The following TRNAU1AP variants were observed in gnomAD, a reference collection of about 807,000 sequenced individuals.
TRNAU1AP encodes the protein tRNA selenocysteine 1 associated protein 1.
Under a neutral mutation model 43.3 loss-of-function variants are expected in TRNAU1AP, and 33 were observed. The ratio of observed to expected loss-of-function variants is 0.76; its 90% CI spans 0.58 to 1.02. TRNAU1AP has a LOEUF of 1.02. Among genes scored for constraint, TRNAU1AP ranks in the 50% least tolerant of loss-of-function variants. The probability of loss-of-function intolerance (pLI) is 0.00; values close to 1 mark genes in which losing one functional copy is unlikely to be tolerated. For synonymous variants in TRNAU1AP, 143 were observed against 129.1 expected (o/e 1.11, Z -0.73); for missense variants, 290 against 362.7 (o/e 0.80, Z 1.63).
At chr1:28,566,105 A>G (rs1051655601) in intron 5 of TRNAU1AP, among the ~76,000 whole-genome samples, 4 of 152,116 alleles carry the variant, frequency 2.6e-5, no homozygotes, top group Admixed American at 2.0e-4. Context: ...ACCTGAGGTC[A>G]GGAGTTCAAG....
At position 28,554,222 on chromosome 1, in the gene TRNAU1AP, A is replaced by AAAAC. The variant is rs1557430250; in HGVS notation, c.125+488_125+489insCAAA. ...TCAAAAAAAAAAAAAACAAAAAAAC[A>AAAAC]AAAAACGCAGGACTCAAGCGAGACT... On this transcript the variant is annotated intron_variant, in intron 2 of 8. Coordinates refer to ENST00000373830, the MANE Select transcript of TRNAU1AP (RefSeq NM_017846.5). Among the ~76,000 whole-genome samples the AAAAC allele has an allele frequency of 1.4e-3, 202 of 142,694 alleles. 6 individuals carry two copies. Among genetic ancestry groups the AAAAC allele is most frequent in the African/African-American group, 4.3e-3 (146 of 34,252 alleles). The allele number at this position is 142,694 out of a possible 152,430, so 93.6% of individuals were successfully genotyped here.
chr1:28,577,403 C>G, intron 8 of TRNAU1AP, 97 bp from the exon 9 acceptor site: 2 of 1,388,440 alleles, frequency 1.4e-6, no homozygotes, highest in South Asian at 1.4e-5. Flanking sequence ...AGGATAGGGA[C>G]CTTACCATAG....
At chr1:28,575,503 C>T (rs1665757115) in intron 8 of TRNAU1AP, among the ~76,000 whole-genome samples, 1 of 147,750 alleles carries the variant, frequency 6.8e-6, no homozygotes, top group South Asian at 2.1e-4. Flanking sequence ...ACTCTTGTTG[C>T]CCAGGCTGGA....
intron 1 of TRNAU1AP, chr1:28,553,391 T>C (rs1665178000): frequency 1.6e-6 from 1 of 627,508 alleles, no homozygotes. Flanking sequence ...ATGGGAGCAA[T>C]CCAAGGACTG....
chr1:28,568,469 C>T (rs1266264240), intron 6 of TRNAU1AP, among the ~76,000 whole-genome samples: 1 of 152,148 alleles, frequency 6.6e-6, no homozygotes, highest in Non-Finnish European at 1.5e-5. Flanking sequence ...GAGATAGGGT[C>T]TTGCTTTGTT....
intron 8 of TRNAU1AP, among the ~76,000 whole-genome samples, chr1:28,572,544 T>G (rs1304744751): frequency 6.6e-6 from 1 of 152,078 alleles, no homozygotes; most frequent in Non-Finnish European, 1.5e-5. Context: ...AAATTCATTT[T>G]TTATTTATTT....
chr1:28,577,415 A>T (rs1261566560), intron 8 of TRNAU1AP, 85 bp from the exon 9 acceptor site: 2 of 1,491,126 alleles, frequency 1.3e-6, no homozygotes, highest in Non-Finnish European at 1.8e-6. Flanking sequence ...TTACCATAGA[A>T]CAGAGTTCTG....
intron 4 of TRNAU1AP, 77 bp from the exon 5 acceptor site, chr1:28,564,626 C>G: frequency 6.5e-7 from 1 of 1,535,266 alleles, no homozygotes; most frequent in East Asian, 2.3e-5. Context: ...GAGAGGTTTA[C>G]CTGGAATATG....
chr1:28,574,082 T>G (rs1046618293), intron 8 of TRNAU1AP, among the ~76,000 whole-genome samples: 2 of 150,046 alleles, frequency 1.3e-5, no homozygotes, highest in Middle Eastern at 6.8e-3. Context: ...CATCTCTTTT[T>G]TTTTTTTTTT....
In TRNAU1AP at chr1:28,553,144, G is replaced by T; in HGVS notation, c.27+7G>T. On this transcript the variant is annotated splice_region_variant and intron_variant, in intron 1 of 8. Coordinates refer to ENST00000373830, the MANE Select transcript of TRNAU1AP (RefSeq NM_017846.5). ...CAGCCTGTGGATGGGCGACGTGAGTGAGGGCAGCCGTCCGGGGTCTGAAGA... is the reference window on the plus strand; with the variant it reads ...CAGCCTGTGGATGGGCGACGTGAGTTAGGGCAGCCGTCCGGGGTCTGAAGA... 1 of 1,518,046 alleles carries T rather than the reference G, an allele frequency of 6.6e-7. No homozygotes were observed. The highest frequency in any genetic ancestry group is 2.6e-5 in the East Asian group (1 of 38,760). The allele number at this position is 1,518,046 out of a possible 1,614,324, so 94.0% of individuals were successfully genotyped here.
At chr1:28,569,991 A>C (rs1665628755) in intron 6 of TRNAU1AP, among the ~76,000 whole-genome samples, 1 of 150,820 alleles carries the variant, frequency 6.6e-6, no homozygotes, top group African/African-American at 2.4e-5. Context: ...ACAGAGCAAG[A>C]CTCTCTCAAA....
intron 4 of TRNAU1AP, among the ~76,000 whole-genome samples, chr1:28,562,410 G>A (rs950587986): frequency 2.0e-5 from 3 of 151,966 alleles, no homozygotes; most frequent in African/African-American, 7.2e-5. Context: ...TCAAGATATT[G>A]GCAATATGTT....
At chr1:28,563,210 T>G (rs1327898664) in intron 4 of TRNAU1AP, among the ~76,000 whole-genome samples, 1 of 151,610 alleles carries the variant, frequency 6.6e-6, no homozygotes, top group Non-Finnish European at 1.5e-5. Flanking sequence ...ATTCTTATTA[T>G]ACAAGGAATA....
intron 5 of TRNAU1AP, among the ~76,000 whole-genome samples, chr1:28,566,071 C>T (rs1665530152): frequency 6.6e-6 from 1 of 152,112 alleles, no homozygotes; most frequent in African/African-American, 2.4e-5. Context: ...AATCCCAGCG[C>T]TTCGGGAGAC....
At position 28,560,614 on chromosome 1, in the gene TRNAU1AP, CTATTTGCTTTTTT is replaced by C; in HGVS notation, c.126-17_126-5del. 1 of 1,603,316 alleles carries C rather than the reference CTATTTGCTTTTTT, an allele frequency of 6.2e-7. No homozygotes were observed. Among genetic ancestry groups the C allele is most frequent in the Non-Finnish European group, 8.5e-7 (1 of 1,170,586 alleles). ...TTTTATCTTTAACCATTTTCTTTCT[CTATTTGCTTTTTT>C]TCCAGGATCCCAGCTGGCTACTGCT... On this transcript the variant is annotated splice_polypyrimidine_tract_variant and splice_region_variant and intron_variant, in intron 2 of 8. Coordinates refer to ENST00000373830, the MANE Select transcript of TRNAU1AP (RefSeq NM_017846.5).
Position 28,561,675 on chromosome 1 carries a change from C to T in TRNAU1AP, c.278+277C>T, listed in dbSNP as rs562858058. On this transcript the variant is annotated intron_variant, in intron 4 of 8. Transcript: ENST00000373830. ...CTTGTTAGCCAGGTGCAGTGGCTTA[C>T]GCCTGTAATCCCAGCACTTTGGGAG... Among the ~76,000 whole-genome samples the T allele has an allele frequency of 5.3e-5, 8 of 152,306 alleles. No homozygotes were observed. The South Asian group carries it at 6.2e-4, about 12-fold the overall frequency.
At chr1:28,556,967 G>GGGA (rs1164206728) in intron 2 of TRNAU1AP, among the ~76,000 whole-genome samples, 1 of 151,216 alleles carries the variant, frequency 6.6e-6, no homozygotes, top group Non-Finnish European at 1.5e-5. Flanking sequence ...GTGAGCCACT[G>GGGA]CGCCCGGCCT....
chr1:28,577,740 AAT>A lies in TRNAU1AP; in HGVS notation c.*105_*106del. On this transcript the variant is annotated 3_prime_UTR_variant, in exon 9 of 9. Coordinates refer to ENST00000373830, the MANE Select transcript of TRNAU1AP (RefSeq NM_017846.5). ...GAAATATGATTTGTAAGATTTTAATAATGACTGTTTTTGGAGATCATGAATGT... is the reference window on the plus strand; with the variant it reads ...GAAATATGATTTGTAAGATTTTAATAGACTGTTTTTGGAGATCATGAATGT... 4.7e-6 allele frequency: 6 copies of A among 1,278,534 alleles called. No individual in the cohort carries two copies. In the South Asian group the frequency reaches 7.3e-5, roughly 15 times the overall value. 79.2% of individuals were successfully genotyped at this position (1,278,534 alleles called of 1,614,324 possible).
intron 2 of TRNAU1AP, among the ~76,000 whole-genome samples, chr1:28,555,938 C>T (rs967349037): frequency 1.3e-5 from 2 of 151,474 alleles, no homozygotes; most frequent in Non-Finnish European, 2.9e-5. Flanking sequence ...ACTGCAAGCT[C>T]CACCTCCTGG....
Sources: gnomAD v4.1 joint callset for allele counts (sites outside exome capture counted in the v4.1 genomes callset) on GRCh38, gnomAD v4.1.1 for gene constraint, MANE v1.5 for transcripts, NCBI Gene and HGNC (gene_info 2026-07-23, HGNC 2026-07-21) for gene names.